ZNF423: variants seen among roughly 807,000 people sequenced by gnomAD.
The protein encoded by ZNF423 is Ebf-associated zinc finger protein.
Under a neutral mutation model 95.8 loss-of-function variants are expected in ZNF423, and 12 were observed. That is an observed-to-expected ratio of 0.13 (90% CI 0.08 to 0.20). The LOEUF (loss-of-function observed/expected upper bound fraction) is 0.20. Among genes scored for constraint, ZNF423 ranks in the 10% least tolerant of loss-of-function variants. ZNF423 has a pLI of 1.00. For missense variants in ZNF423, 1,316 were observed against 1,737.1 expected, an observed-to-expected ratio of 0.76 and a Z score of 4.31; for synonymous variants, 749 against 711.9, an observed-to-expected ratio of 1.05 and a Z score of -0.83.
At position 49,629,009 on chromosome 16, in the gene ZNF423, AG is replaced by A. The variant is rs1490089116; in HGVS notation, c.3517-2756del. ...AGACCACTTTGGTTCCTGGGATGAG[AG>A]GGCTTCTCTTACTTCTGGAAAAGGG... is the stretch of plus-strand genomic sequence containing the variant. On this transcript the variant is annotated intron_variant, in intron 4 of 7. Coordinates refer to ENST00000563137, the MANE Select transcript of ZNF423 (RefSeq NM_001379286.1). Among the ~76,000 whole-genome samples the A allele has an allele frequency of 2.6e-5, 4 of 152,136 alleles. No homozygotes were observed. In the East Asian group the frequency reaches 7.7e-4, roughly 29 times the overall value.
chr16:49,787,142 C>G (rs575008364), intron 2 of ZNF423, among the ~76,000 whole-genome samples: 1 of 152,342 alleles, frequency 6.6e-6, no homozygotes, highest in East Asian at 1.9e-4. Context: ...ACGTCCAGGG[C>G]TACCTCCCAC....
intron 5 of ZNF423, among the ~76,000 whole-genome samples, chr16:49,537,916 G>A (rs1328735643): frequency 1.3e-5 from 2 of 152,200 alleles, no homozygotes; most frequent in African/African-American, 4.8e-5. Flanking sequence ...CCAGCACACA[G>A]GGACCAGATG....
In ZNF423 at chr16:49,735,463, A is replaced by G. The variant is rs562989954; in HGVS notation, c.101-4492T>C. Among the ~76,000 whole-genome samples, 12 of 151,972 alleles carry G rather than the reference A, an allele frequency of 7.9e-5. No individual in the cohort carries two copies. In the South Asian group the frequency reaches 2.3e-3, roughly 29 times the overall value. On this transcript the variant is annotated intron_variant, in intron 2 of 7. Transcript: ENST00000563137. ...ATTTTCCACAGACTGCCACAGCAATATCTCCCACCCCACCTGCCCTTCTGC... is the reference window on the plus strand; with the variant it reads ...ATTTTCCACAGACTGCCACAGCAATGTCTCCCACCCCACCTGCCCTTCTGC...
At chr16:49,639,116 G>T (rs555788005) in intron 3 of ZNF423, among the ~76,000 whole-genome samples, 7 of 152,174 alleles carry the variant, frequency 4.6e-5, no homozygotes, top group Non-Finnish European at 1.0e-4. Context: ...CACAACACTT[G>T]CCTGGACCTG....
At chr16:49,505,080 A>C (rs1967577061) in intron 7 of ZNF423, among the ~76,000 whole-genome samples, 1 of 152,206 alleles carries the variant, frequency 6.6e-6, no homozygotes, top group South Asian at 2.1e-4. Context: ...AAGTGGGAGA[A>C]AATTTTTTCT....
intron 3 of ZNF423, among the ~76,000 whole-genome samples, chr16:49,656,195 G>A (rs1208518345): frequency 6.6e-6 from 1 of 152,198 alleles, no homozygotes; most frequent in African/African-American, 2.4e-5. Context: ...GACAGAGGAA[G>A]CTCTCAATGC....
chr16:49,739,696 GTTTTT>G (rs10574656), intron 2 of ZNF423, among the ~76,000 whole-genome samples: 1 of 52,590 alleles, frequency 1.9e-5, no homozygotes, highest in Non-Finnish European at 3.9e-5. Context: ...TTTTTGTTTG[GTTTTT>G]TTTTTTTTTT....
At chr16:49,518,124 T>G in intron 7 of ZNF423, 9 of 416,640 alleles carry the variant, frequency 2.2e-5, no homozygotes, top group South Asian at 1.6e-4. Flanking sequence ...CTCTCTGCAA[T>G]TTATGTTATA....
chr16:49,837,040 G>T (rs905712798), intron 1 of ZNF423, among the ~76,000 whole-genome samples: 2 of 152,072 alleles, frequency 1.3e-5, no homozygotes, highest in Non-Finnish European at 2.9e-5. Context: ...GGACACATTG[G>T]AGCAACTGTT....
chr16:49,667,530 A>G (rs1436271053), intron 3 of ZNF423, among the ~76,000 whole-genome samples: 1 of 152,238 alleles, frequency 6.6e-6, no homozygotes, highest in Non-Finnish European at 1.5e-5. Flanking sequence ...GACCTGCTCT[A>G]TAGGTATTTA....
intron 5 of ZNF423, among the ~76,000 whole-genome samples, chr16:49,553,790 G>T (rs561574332): frequency 2.0e-5 from 3 of 152,118 alleles, no homozygotes; most frequent in South Asian, 2.1e-4. Flanking sequence ...ATGAAATAAC[G>T]TCTTTCCCTG....
intron 2 of ZNF423, among the ~76,000 whole-genome samples, chr16:49,766,271 G>A (rs2033927234): frequency 6.6e-6 from 1 of 152,130 alleles, no homozygotes; most frequent in African/African-American, 2.4e-5. Context: ...TTTTTTAAGT[G>A]AAGGTTTGCA....
At position 49,773,673 on chromosome 16, in the gene ZNF423, T is replaced by C. The variant is rs367739685; in HGVS notation, c.100+15814A>G. On this transcript the variant is annotated intron_variant, in intron 2 of 7. Transcript: ENST00000563137. ...ATGTTGTTGTCAGCAAAGTAAAGGG[T>C]GAGTGGAATCTGTGCTATAGTGCAG... 3.2e-4 allele frequency among the ~76,000 whole-genome samples: 48 copies of C among 152,306 alleles called. 1 individual carries two copies. In the South Asian group the frequency reaches 1.0e-2, roughly 32 times the overall value.
At chr16:49,782,245 C>T (rs947605464) in intron 2 of ZNF423, among the ~76,000 whole-genome samples, 4 of 152,278 alleles carry the variant, frequency 2.6e-5, no homozygotes, top group African/African-American at 9.6e-5. Context: ...TGTCTGCCAT[C>T]TACAGTTGAG....
intron 5 of ZNF423, among the ~76,000 whole-genome samples, chr16:49,586,791 G>C (rs1251618285): frequency 6.6e-6 from 1 of 152,206 alleles, no homozygotes; most frequent in Non-Finnish European, 1.5e-5. Flanking sequence ...GAACCAGGGA[G>C]AACCGGGAGC....
chr16:49,846,299 C>CA (rs11338195), intron 1 of ZNF423, among the ~76,000 whole-genome samples: 1,032 of 75,980 alleles, frequency 0.014, 13 homozygotes, highest in East Asian at 0.027. Flanking sequence ...GACTCTGTCT[C>CA]AAAAAAAAAA....
In ZNF423 at chr16:49,519,432, C is replaced by A. The variant is rs191023836; in HGVS notation, c.3849+4192G>T. 3.9e-5 allele frequency among the ~76,000 whole-genome samples: 6 copies of A among 152,348 alleles called. No individual in the cohort carries two copies. The East Asian group carries it at 1.2e-3, about 29-fold the overall frequency. On this transcript the variant is annotated intron_variant, in intron 7 of 7. Coordinates refer to ENST00000563137, the MANE Select transcript of ZNF423 (RefSeq NM_001379286.1). ...TGTGAAAGTTCCTATCCCGCCCTCA[C>A]CAACTCTCAGCATTGTGAGTTTTTC...
intron 3 of ZNF423, among the ~76,000 whole-genome samples, chr16:49,684,445 A>G (rs2031486108): frequency 6.6e-6 from 1 of 152,222 alleles, no homozygotes. Context: ...CCATGCCATT[A>G]ATTAAATGTT....
intron 5 of ZNF423, among the ~76,000 whole-genome samples, chr16:49,536,230 A>G (rs76013414): frequency 0.026 from 3,994 of 152,278 alleles, 161 homozygotes; most frequent in African/African-American, 0.09. Context: ...AAAAACCCCC[A>G]GAGTTCAGCT....
Sources: gnomAD v4.1 joint callset for allele counts (sites outside exome capture counted in the v4.1 genomes callset) on GRCh38, gnomAD v4.1.1 for gene constraint, MANE v1.5 for transcripts, NCBI Gene and HGNC (gene_info 2026-07-23, HGNC 2026-07-21) for gene names.